MTUS2: variants seen among roughly 807,000 people sequenced by gnomAD.
The protein encoded by MTUS2 is microtubule associated scaffold protein 2.
Under a neutral mutation model 114.1 loss-of-function variants are expected in MTUS2, and 40 were observed. The observed-to-expected ratio is 0.35, with a 90% confidence interval of 0.27 to 0.46. The LOEUF is 0.46. Among genes scored for constraint, MTUS2 ranks in the 20% least tolerant of loss-of-function variants. MTUS2 has a pLI of 1.00. For missense variants in MTUS2, 1,679 were observed against 1,705.4 expected (o/e 0.98, Z 0.27); for synonymous variants, 688 against 672.0 (o/e 1.02, Z -0.37).
intron 9 of MTUS2, 65 bp downstream of exon 9, chr13:29,440,114 C>A (rs1303124252): frequency 1.4e-6 from 2 of 1,478,372 alleles, no homozygotes; most frequent in African/African-American, 2.8e-5. Context: ...TGAATGTGTA[C>A]CAAAAGCAAT....
intron 7 of MTUS2, among the ~76,000 whole-genome samples, chr13:29,339,121 C>T (rs577872449): frequency 1.2e-4 from 18 of 152,224 alleles, no homozygotes; most frequent in Admixed American, 4.6e-4. Context: ...CCTCCCGGGG[C>T]GGCTCCTTGG....
intron 5 of MTUS2, among the ~76,000 whole-genome samples, chr13:29,238,685 C>T (rs1017737945): frequency 1.3e-5 from 2 of 152,150 alleles, no homozygotes; most frequent in African/African-American, 4.8e-5. Context: ...GGTGGATCTG[C>T]CTCTCCTAGT....
chr13:29,359,988 G>C (rs1033422241), intron 8 of MTUS2, among the ~76,000 whole-genome samples: 1 of 152,204 alleles, frequency 6.6e-6, no homozygotes, highest in African/African-American at 2.4e-5. Context: ...GATTCTCCTT[G>C]TGCCCTCAAT....
intron 8 of MTUS2, among the ~76,000 whole-genome samples, chr13:29,415,648 T>C (rs1256126002): frequency 6.6e-6 from 1 of 152,198 alleles, no homozygotes; most frequent in Non-Finnish European, 1.5e-5. Context: ...AATTGTGAGC[T>C]GAACAGAAAA....
At chr13:29,266,979 C>T (rs975337305) in intron 5 of MTUS2, among the ~76,000 whole-genome samples, 7 of 152,238 alleles carry the variant, frequency 4.6e-5, no homozygotes, top group Middle Eastern at 3.4e-3. Flanking sequence ...TAGAAGACTA[C>T]GTTGAGTCAT....
chr13:29,503,752 A>AG lies in MTUS2; in HGVS notation c.*546_*547insG, dbSNP rs1445427834. 8.4e-6 allele frequency: 2 copies of AG among 237,320 alleles called. No homozygotes were observed. Among genetic ancestry groups the AG allele is most frequent in the Non-Finnish European group, 1.7e-5 (2 of 119,934 alleles). The allele number at this position is 237,320 out of a possible 1,614,324, so 14.7% of individuals were successfully genotyped here. A position where few individuals can be genotyped will look rare whatever the true frequency, so the allele number is the denominator to read the frequency against. ...CCAAAATAGAAAAAGGAAAAAAAAA[A>AG]AGATACAGAGAAGAAGCGCCTTTCA... On this transcript the variant is annotated 3_prime_UTR_variant, in exon 16 of 16. Coordinates refer to ENST00000612955, the MANE Select transcript of MTUS2 (RefSeq NM_001033602.4).
intron 6 of MTUS2, among the ~76,000 whole-genome samples, chr13:29,292,212 TCCTTC>T (rs1898745305): frequency 1.3e-5 from 2 of 152,226 alleles, no homozygotes; most frequent in Non-Finnish European, 2.9e-5. Context: ...ATACTTTGCT[TCCTTC>T]CCTTGGTGGC....
intron 8 of MTUS2, among the ~76,000 whole-genome samples, chr13:29,425,201 G>A (rs1210297809): frequency 1.3e-5 from 2 of 152,132 alleles, no homozygotes; most frequent in Non-Finnish European, 2.9e-5. Context: ...ATCACTTGAG[G>A]TAAGGAGTTT....
At chr13:29,358,555 C>T (rs1032101734) in intron 7 of MTUS2, among the ~76,000 whole-genome samples, 6 of 152,170 alleles carry the variant, frequency 3.9e-5, no homozygotes, top group African/African-American at 1.4e-4. Flanking sequence ...ACGTGCCTCA[C>T]GTGTGCAAAG....
intron 5 of MTUS2, among the ~76,000 whole-genome samples, chr13:29,185,523 T>C (rs775931764): frequency 3.9e-5 from 6 of 152,114 alleles, no homozygotes. Flanking sequence ...GGAGAGAATA[T>C]TGAAAAGAGA....
intron 5 of MTUS2, among the ~76,000 whole-genome samples, chr13:29,173,920 T>A (rs1893663340): frequency 6.6e-6 from 1 of 152,156 alleles, no homozygotes; most frequent in Admixed American, 6.6e-5. Context: ...GATTTTAAAA[T>A]CTCTCCTCCC....
At chr13:29,471,947 C>T (rs184542490) in intron 9 of MTUS2, among the ~76,000 whole-genome samples, 160 of 152,272 alleles carry the variant, frequency 1.1e-3, no homozygotes, top group Non-Finnish European at 2.0e-3. Context: ...TCACCAGGCC[C>T]GAGAGATGCT....
Position 29,189,409 on chromosome 13 carries a change from C to A in MTUS2, c.2644+88439C>A, listed in dbSNP as rs184963224. ...AGTGATATGCTCCCATGCATTCTTACAACAGCTCTTCGTGTTATCCTCACA... is the reference window on the plus strand; with the variant it reads ...AGTGATATGCTCCCATGCATTCTTAAAACAGCTCTTCGTGTTATCCTCACA... On this transcript the variant is annotated intron_variant, in intron 5 of 15. Transcript: ENST00000612955. 5.9e-5 allele frequency among the ~76,000 whole-genome samples: 9 copies of A among 152,220 alleles called. No homozygotes were observed. The East Asian group carries it at 1.5e-3, about 26-fold the overall frequency.
intron 4 of MTUS2, among the ~76,000 whole-genome samples, chr13:29,094,981 C>G (rs1247675048): frequency 2.0e-5 from 3 of 151,886 alleles, no homozygotes; most frequent in Non-Finnish European, 2.9e-5. Flanking sequence ...CCCAAATTTC[C>G]TTGTTATTGA....
At chr13:29,437,251 A>G (rs571076396) in intron 8 of MTUS2, among the ~76,000 whole-genome samples, 10 of 152,264 alleles carry the variant, frequency 6.6e-5, no homozygotes, top group African/African-American at 2.2e-4. Flanking sequence ...TGCAACTCTC[A>G]TTACTCTGAG....
At chr13:28,873,426 G>A (rs554772454) in intron 2 of MTUS2, among the ~76,000 whole-genome samples, 1 of 152,308 alleles carries the variant, frequency 6.6e-6, no homozygotes, top group South Asian at 2.1e-4. Flanking sequence ...CTCTTGTAAA[G>A]GGTGTCATAA....
chr13:29,112,690 A>G (rs1239004410), intron 5 of MTUS2, among the ~76,000 whole-genome samples: 1 of 152,164 alleles, frequency 6.6e-6, no homozygotes, highest in Non-Finnish European at 1.5e-5. Flanking sequence ...AAGTGAGAAT[A>G]GTAGATGGAG....
At chr13:29,345,388 G>A (rs1868564506) in intron 7 of MTUS2, among the ~76,000 whole-genome samples, 1 of 151,664 alleles carries the variant, frequency 6.6e-6, no homozygotes, top group African/African-American at 2.4e-5. Context: ...GTTGGAATGG[G>A]TTAATTCAAA....
chr13:28,944,449 G>T (rs970971484), intron 2 of MTUS2, among the ~76,000 whole-genome samples: 10 of 152,032 alleles, frequency 6.6e-5, no homozygotes, highest in African/African-American at 2.4e-4. Flanking sequence ...TAAATTTTAG[G>T]TATAGATATT....
Sources: gnomAD v4.1 joint callset for allele counts (sites outside exome capture counted in the v4.1 genomes callset) on GRCh38, gnomAD v4.1.1 for gene constraint, MANE v1.5 for transcripts, NCBI Gene and HGNC (gene_info 2026-07-23, HGNC 2026-07-21) for gene names.